The following ZNF83 variants were observed in gnomAD, a reference collection of about 807,000 sequenced individuals.
ZNF83 encodes the protein zinc finger protein 816B.
For synonymous variants in ZNF83, 209 were observed against 213.0 expected (o/e 0.98, Z 0.17); for missense variants, 552 against 629.9 (o/e 0.88, Z 1.32).
At chr19:52,624,733 C>G (rs11880093) in intron 2 of ZNF83, among the ~76,000 whole-genome samples, 34,509 of 152,016 alleles carry the variant, frequency 0.23, 3,942 homozygotes, top group South Asian at 0.28. Flanking sequence ...TCCTATTATA[C>G]GCTGGCCATG....
chr19:52,650,489 T>A (rs1367610711), intron 3 of ZNF83: 1 of 152,172 alleles, frequency 6.6e-6, no homozygotes, highest in Non-Finnish European at 1.5e-5. Flanking sequence ...ACTCTCGACC[T>A]CAGGTGATCC....
upstream of ZNF83, among the ~76,000 whole-genome samples, chr19:52,642,878 C>T (rs2061326273): frequency 1.3e-5 from 2 of 151,614 alleles, no homozygotes; most frequent in South Asian, 2.1e-4. Flanking sequence ...AAAATTGGGC[C>T]GGGCACCATG....
chr19:52,634,811 C>T (rs926221290), intron 2 of ZNF83, among the ~76,000 whole-genome samples: 4 of 152,168 alleles, frequency 2.6e-5, no homozygotes, highest in African/African-American at 4.8e-5. Context: ...GGGACCCTCA[C>T]CCCGTCTCCA....
intron 3 of ZNF83, among the ~76,000 whole-genome samples, chr19:52,649,215 T>G (rs1328212060): frequency 6.6e-6 from 1 of 152,184 alleles, no homozygotes. Flanking sequence ...GGAATCTGCA[T>G]GCTTTGGGAT....
At chr19:52,619,755 C>T (rs2060464782) in intron 2 of ZNF83, among the ~76,000 whole-genome samples, 1 of 152,010 alleles carries the variant, frequency 6.6e-6, no homozygotes, top group African/African-American at 2.4e-5. Flanking sequence ...GGCTCAATGG[C>T]ACATGCCTGT....
At chr19:52,665,274 G>A (rs947174129) in intron 1 of ZNF83, among the ~76,000 whole-genome samples, 4 of 152,114 alleles carry the variant, frequency 2.6e-5, no homozygotes, top group African/African-American at 9.7e-5. Flanking sequence ...CAGGGATGTG[G>A]GTGGGGTGGT....
At chr19:52,660,727 G>T in intron 2 of ZNF83, 2 of 195,450 alleles carry the variant, frequency 1.0e-5, no homozygotes, top group South Asian at 2.1e-4. Context: ...TATCAGAAAA[G>T]AGAGAGAAGA....
intron 2 of ZNF83, among the ~76,000 whole-genome samples, chr19:52,623,661 C>T (rs1051606558): frequency 2.0e-5 from 3 of 152,020 alleles, no homozygotes; most frequent in South Asian, 4.1e-4. Flanking sequence ...CACCTCTGCT[C>T]CCTCCCTGGC....
chr19:52,659,233 T>A (rs1384521419), intron 2 of ZNF83, among the ~76,000 whole-genome samples: 1 of 151,786 alleles, frequency 6.6e-6, no homozygotes, highest in Non-Finnish European at 1.5e-5. Flanking sequence ...AGGACCGCCC[T>A]CTTGAGGAAA....
chr19:52,643,448 T>C (rs1488034761), intron 3 of ZNF83, among the ~76,000 whole-genome samples: 2 of 151,278 alleles, frequency 1.3e-5, no homozygotes, highest in African/African-American at 4.9e-5. Context: ...ACTCCTGTAA[T>C]CCTAGCACGT....
chr19:52,650,898 G>A (rs2061433743), intron 3 of ZNF83: 1 of 152,144 alleles, frequency 6.6e-6, no homozygotes, highest in Non-Finnish European at 1.5e-5. Context: ...GGTCAAGGGA[G>A]GGAAATTGAA....
At chr19:52,640,620 C>T (rs1023243051), upstream of ZNF83, among the ~76,000 whole-genome samples, 1 of 152,092 alleles carries the variant, frequency 6.6e-6, no homozygotes, top group Non-Finnish European at 1.5e-5. Context: ...TGGGTTCAAG[C>T]AGTTCTACTG....
chr19:52,680,959 T>C (rs2061907602), intron 1 of ZNF83, among the ~76,000 whole-genome samples: 1 of 151,610 alleles, frequency 6.6e-6, no homozygotes, highest in East Asian at 2.0e-4. Flanking sequence ...ATGTCTCGGT[T>C]TTATGGACAA....
chr19:52,649,833 C>A (rs113688555), intron 3 of ZNF83, among the ~76,000 whole-genome samples: 1 of 152,004 alleles, frequency 6.6e-6, no homozygotes, highest in African/African-American at 2.4e-5. Context: ...ACAGTCTATA[C>A]GGGAATTCTT....
chr19:52,623,572 T>C (rs936409070), intron 2 of ZNF83, among the ~76,000 whole-genome samples: 25 of 152,110 alleles, frequency 1.6e-4, no homozygotes, highest in African/African-American at 6.0e-4. Flanking sequence ...CCACATCTCA[T>C]TGCCGCCCTT....
intron 3 of ZNF83, chr19:52,654,356 T>C: frequency 1.5e-6 from 2 of 1,302,354 alleles, no homozygotes; most frequent in South Asian, 1.4e-5. Context: ...TCTCCTGTAT[T>C]ACCGTGCCCT....
intron 3 of ZNF83, chr19:52,653,354 G>A (rs2061467527): frequency 3.3e-6 from 4 of 1,198,002 alleles, no homozygotes; most frequent in Admixed American, 3.5e-5. Context: ...TGTTGTGCAA[G>A]GTATGAATCA....
At chr19:52,634,011 T>C (rs2147182338) in intron 2 of ZNF83, among the ~76,000 whole-genome samples, 1 of 151,940 alleles carries the variant, frequency 6.6e-6, no homozygotes, top group South Asian at 2.1e-4. Context: ...GGCTCGCGCC[T>C]GTAATCACAG....
intron 2 of ZNF83, among the ~76,000 whole-genome samples, chr19:52,658,726 G>A (rs1163542093): frequency 2.6e-5 from 4 of 152,116 alleles, no homozygotes; most frequent in Non-Finnish European, 5.9e-5. Context: ...AAATACTAGG[G>A]ACAATAGAGG....
Sources: allele counts gnomAD v4.1 joint callset (sites outside exome capture counted in the v4.1 genomes callset), GRCh38; gene constraint gnomAD v4.1.1; transcripts MANE v1.5; gene names NCBI Gene and HGNC (gene_info 2026-07-23, HGNC 2026-07-21).